The following NHEJ1 variants were observed in gnomAD, a reference collection of about 807,000 sequenced individuals.
NHEJ1 encodes non-homologous end-joining factor 1.
NHEJ1 carries 22 observed loss-of-function variants against 39.4 expected under a neutral mutation model. The observed-to-expected ratio is 0.56, with a 90% CI of 0.40 to 0.80. The LOEUF (loss-of-function observed/expected upper bound fraction) is 0.80. Among genes scored for constraint, NHEJ1 ranks in the 30% least tolerant of loss-of-function variants. The probability of loss-of-function intolerance (pLI) is 0.00; values close to 1 mark genes in which losing one functional copy is unlikely to be tolerated. For missense variants in NHEJ1, 329 were observed against 357.1 expected (o/e 0.92, Z 0.63); for synonymous variants, 154 against 135.6 (o/e 1.14, Z -0.94).
At position 219,143,143 on chromosome 2, in the gene NHEJ1, C is replaced by G. The variant is rs537232707; in HGVS notation, c.588+3537G>C. 3.9e-5 allele frequency among the ~76,000 whole-genome samples: 6 copies of G among 152,280 alleles called. No individual in the cohort carries two copies. The South Asian group carries it at 1.2e-3, about 32-fold the overall frequency. ...GCCCTCTGACACCAGCCCTGGCCCC[C>G]CTGCGCCTTCATCTTGAGCTCTCTC... On this transcript the variant is annotated intron_variant, in intron 5 of 7. Transcript: ENST00000356853.
intron 5 of NHEJ1, among the ~76,000 whole-genome samples, chr2:219,087,650 G>A (rs13403562): frequency 3.4e-4 from 51 of 152,162 alleles, no homozygotes; most frequent in African/African-American, 1.2e-3. Context: ...TCTATAGGGT[G>A]ACGCACCACC....
intron 5 of NHEJ1, among the ~76,000 whole-genome samples, chr2:219,122,340 C>T (rs1949479497): frequency 6.6e-6 from 1 of 152,232 alleles, no homozygotes. Context: ...TTTATTACAG[C>T]ACTCTTACTT....
chr2:219,109,666 G>A (rs574772307), intron 5 of NHEJ1, among the ~76,000 whole-genome samples: 1 of 152,266 alleles, frequency 6.6e-6, no homozygotes, highest in Admixed American at 6.5e-5. Context: ...AAAGGAAAGG[G>A]GAGGGGCAAG....
intron 5 of NHEJ1, among the ~76,000 whole-genome samples, chr2:219,093,125 C>T (rs1341737295): frequency 1.3e-5 from 2 of 152,048 alleles, no homozygotes; most frequent in Admixed American, 6.6e-5. Flanking sequence ...GTTCAGGGTA[C>T]GTATACTCTA....
chr2:219,119,996 G>A (rs1949456203), intron 5 of NHEJ1, among the ~76,000 whole-genome samples: 1 of 151,956 alleles, frequency 6.6e-6, no homozygotes, highest in Admixed American at 6.6e-5. Context: ...ACACTGTTTT[G>A]GCTTTCTTGG....
At chr2:219,104,044 T>G (rs1290149482) in intron 5 of NHEJ1, among the ~76,000 whole-genome samples, 8 of 152,332 alleles carry the variant, frequency 5.3e-5, no homozygotes, top group South Asian at 2.1e-4. Context: ...CATTTTTTTT[T>G]GGTTCTGGTT....
In NHEJ1 at chr2:219,159,544, T is replaced by TATGC. The variant is rs1559206164; in HGVS notation, c.-1+1175_-1+1176insGCAT. On this transcript the variant is annotated intron_variant, in intron 1 of 7. Transcript: ENST00000356853. ...ATATATGCATATATATATGCATATATATATATGCATATATATATGCATATA... is the reference window on the plus strand; with the variant it reads ...ATATATGCATATATATATGCATATATATGCATATATGCATATATATATGCATATA... Among the ~76,000 whole-genome samples the TATGC allele has an allele frequency of 5.4e-3, 93 of 17,352 alleles. 8 individuals carry two copies. Among genetic ancestry groups the TATGC allele is most frequent in the Non-Finnish European group, 0.019 (66 of 3,488 alleles). The allele number at this position is 17,352 out of a possible 152,430, so 11.4% of individuals were successfully genotyped here.
chr2:219,084,700 ATG>A (rs1949096509), intron 5 of NHEJ1, among the ~76,000 whole-genome samples: 1 of 152,186 alleles, frequency 6.6e-6, no homozygotes, highest in Non-Finnish European at 1.5e-5. Context: ...ATGGGATGAT[ATG>A]TTAAAGGGTG....
At chr2:219,105,608 T>C (rs1482635511) in intron 5 of NHEJ1, among the ~76,000 whole-genome samples, 1 of 152,202 alleles carries the variant, frequency 6.6e-6, no homozygotes, top group Non-Finnish European at 1.5e-5. Flanking sequence ...TGCCCTTTTC[T>C]CATTCTTTCA....
chr2:219,134,370 G>T (rs1489027054), intron 5 of NHEJ1, among the ~76,000 whole-genome samples: 1 of 152,194 alleles, frequency 6.6e-6, no homozygotes, highest in Admixed American at 6.5e-5. Flanking sequence ...TAGGTTTGTT[G>T]TAAGGATTAA....
intron 5 of NHEJ1, among the ~76,000 whole-genome samples, chr2:219,104,961 T>C (rs978362517): frequency 6.6e-6 from 1 of 152,012 alleles, no homozygotes; most frequent in African/African-American, 2.4e-5. Flanking sequence ...GAAACACACA[T>C]CAGCTGGGGT....
intron 5 of NHEJ1, among the ~76,000 whole-genome samples, chr2:219,092,095 C>T (rs1245457005): frequency 6.6e-6 from 1 of 152,030 alleles, no homozygotes; most frequent in Non-Finnish European, 1.5e-5. Context: ...AAGAGCAGAC[C>T]AGCCTGGGCA....
At chr2:219,116,148 T>C (rs991415304) in intron 5 of NHEJ1, among the ~76,000 whole-genome samples, 10 of 152,136 alleles carry the variant, frequency 6.6e-5, no homozygotes, top group African/African-American at 2.2e-4. Flanking sequence ...ATATAATTCC[T>C]GAATGAAGTG....
intron 5 of NHEJ1, among the ~76,000 whole-genome samples, chr2:219,137,882 A>T (rs1949650600): frequency 6.6e-6 from 1 of 152,172 alleles, no homozygotes; most frequent in African/African-American, 2.4e-5. Context: ...TTCACTAAGC[A>T]CTATAAGCTC....
At chr2:219,102,658 T>C (rs4674358) in intron 5 of NHEJ1, 143,333 of 151,858 alleles carry the variant, frequency 0.94, 68,185 homozygotes, top group East Asian at 1. Context: ...CCATGCTGAT[T>C]AGTAGTAGGA....
chr2:219,129,078 C>T (rs1184137521), intron 5 of NHEJ1, among the ~76,000 whole-genome samples: 1 of 152,230 alleles, frequency 6.6e-6, no homozygotes, highest in Non-Finnish European at 1.5e-5. Context: ...AGATCATCAT[C>T]TAACCAAGTG....
chr2:219,152,751 G>A (rs962443818), intron 3 of NHEJ1, among the ~76,000 whole-genome samples: 2 of 149,622 alleles, frequency 1.3e-5, no homozygotes, highest in East Asian at 4.1e-4. Flanking sequence ...ACAGGCATGA[G>A]CCATCATCCC....
chr2:219,119,955 T>C lies in NHEJ1; in HGVS notation c.588+26725A>G, dbSNP rs575824390. Among the ~76,000 whole-genome samples, 7 of 152,332 alleles carry C rather than the reference T, an allele frequency of 4.6e-5. No homozygotes were observed. The South Asian group carries it at 6.2e-4, about 14-fold the overall frequency. The stretch of plus-strand genomic sequence containing the variant: ...CTCAACAAACCCTTTCTCTACTTAA[T>C]AGAGTCCACATATTTTGAAATTACT... On this transcript the variant is annotated intron_variant, in intron 5 of 7. Coordinates refer to ENST00000356853, the MANE Select transcript of NHEJ1 (RefSeq NM_024782.3).
chr2:219,088,976 C>T (rs1949136523), intron 5 of NHEJ1, among the ~76,000 whole-genome samples: 1 of 152,100 alleles, frequency 6.6e-6, no homozygotes, highest in African/African-American at 2.4e-5. Context: ...CCACACCTGG[C>T]TAATTTTTTC....
Sources: gnomAD v4.1 joint callset for allele counts (sites outside exome capture counted in the v4.1 genomes callset) on GRCh38, gnomAD v4.1.1 for gene constraint, MANE v1.5 for transcripts, NCBI Gene and HGNC (gene_info 2026-07-23, HGNC 2026-07-21) for gene names.